Variants in PDS5A observed in about 807,000 individuals in gnomAD.
The protein encoded by PDS5A is PDS5 cohesin associated factor A, also known as sister chromatid cohesion protein PDS5 homolog A.
A neutral mutation model predicts 167.1 loss-of-function variants in PDS5A; 42 were observed. The ratio of observed to expected loss-of-function variants is 0.25; its 90% CI spans 0.20 to 0.33. The LOEUF is 0.33. Ranked by LOEUF, PDS5A falls within the 10% of genes least tolerant of loss-of-function variation. The pLI is 1.00. For synonymous variants in PDS5A, 553 were observed against 554.6 expected (o/e 1.00, Z 0.04); for missense variants, 1,033 against 1,605.9 (o/e 0.64, Z 6.10).
At chr4:39,956,338 C>T (rs1014049167) in intron 2 of PDS5A, among the ~76,000 whole-genome samples, 1 of 150,990 alleles carries the variant, frequency 6.6e-6, no homozygotes, top group African/African-American at 2.4e-5. Flanking sequence ...CCAAAAAATA[C>T]AAAAATTAGC....
intron 4 of PDS5A, among the ~76,000 whole-genome samples, chr4:39,926,451 G>A (rs1297533202): frequency 1.3e-5 from 2 of 150,966 alleles, no homozygotes; most frequent in Admixed American, 6.6e-5. Flanking sequence ...CTGGGAGGCG[G>A]AGGTTGTGGT....
At chr4:39,868,833 G>A (rs372594857) in intron 22 of PDS5A, 15 of 361,896 alleles carry the variant, frequency 4.1e-5, no homozygotes, top group African/African-American at 2.8e-4. Flanking sequence ...TGATGATGAA[G>A]CAACACAAAG....
intron 32 of PDS5A, among the ~76,000 whole-genome samples, chr4:39,835,652 A>G (rs1276658161): frequency 6.6e-6 from 1 of 152,074 alleles, no homozygotes; most frequent in East Asian, 1.9e-4. Flanking sequence ...TCTCGCGAGT[A>G]GCTGGCACTA....
intron 16 of PDS5A, among the ~76,000 whole-genome samples, chr4:39,897,267 T>C (rs1341576646): frequency 2.6e-5 from 4 of 152,138 alleles, no homozygotes; most frequent in Non-Finnish European, 5.9e-5. Context: ...TGATGGCTCA[T>C]GCCTGTAATC....
At chr4:39,948,723 C>T (rs1381905831) in intron 2 of PDS5A, among the ~76,000 whole-genome samples, 3 of 150,440 alleles carry the variant, frequency 2.0e-5, no homozygotes. Context: ...CTCCTGGCTT[C>T]AAGCAATTTT....
At chr4:39,884,362 C>T (rs1405510193) in intron 17 of PDS5A, among the ~76,000 whole-genome samples, 1 of 152,184 alleles carries the variant, frequency 6.6e-6, no homozygotes, top group Non-Finnish European at 1.5e-5. Context: ...CTCAGTGTAG[C>T]CAAGTGGTAC....
intron 2 of PDS5A, among the ~76,000 whole-genome samples, chr4:39,948,195 C>G (rs1578803301): frequency 1.0e-5 from 1 of 96,430 alleles, no homozygotes; most frequent in Non-Finnish European, 1.9e-5. Context: ...GGCAACACAG[C>G]AAGATATCCC....
intron 26 of PDS5A, among the ~76,000 whole-genome samples, chr4:39,852,638 A>T (rs1353709351): frequency 6.6e-6 from 1 of 152,128 alleles, no homozygotes; most frequent in Non-Finnish European, 1.5e-5. Flanking sequence ...TCAGAGAGTG[A>T]GTTCAGCTTC....
chr4:39,960,550 A>T (rs1195057556), intron 2 of PDS5A, among the ~76,000 whole-genome samples: 1 of 146,576 alleles, frequency 6.8e-6, no homozygotes, highest in Non-Finnish European at 1.5e-5. Context: ...TATCTTGAAC[A>T]TTTTTTTTTT....
chr4:39,833,119 A>T (rs1716061301), intron 32 of PDS5A, among the ~76,000 whole-genome samples: 1 of 135,994 alleles, frequency 7.4e-6, no homozygotes. Context: ...TGAACCTAGG[A>T]GGCAGAGGTT....
chr4:39,931,032 A>T lies in PDS5A; in HGVS notation c.139-2868T>A, dbSNP rs146708342. ...GAAACAAAAGATAGAGAAGGGCTGGATGTGATGGCTCACACCTGTAATCCC... is the reference window on the plus strand; with the variant it reads ...GAAACAAAAGATAGAGAAGGGCTGGTTGTGATGGCTCACACCTGTAATCCC... On this transcript the variant is annotated intron_variant, in intron 2 of 32. Transcript: ENST00000303538. Among the ~76,000 whole-genome samples, 841 of 152,294 alleles carry T rather than the reference A, an allele frequency of 5.5e-3. 7 individuals carry two copies. Among genetic ancestry groups the T allele is most frequent in the African/African-American group, 0.019 (776 of 41,558 alleles).
chr4:39,876,309 G>C (rs996156631), intron 19 of PDS5A, among the ~76,000 whole-genome samples: 6 of 152,122 alleles, frequency 3.9e-5, no homozygotes, highest in Non-Finnish European at 7.4e-5. Flanking sequence ...ACAATGCGGA[G>C]AATGAAGAGA....
chr4:39,881,785 T>C (rs1315852860), intron 17 of PDS5A, among the ~76,000 whole-genome samples: 1 of 152,230 alleles, frequency 6.6e-6, no homozygotes, highest in African/African-American at 2.4e-5. Context: ...AATGAAATCA[T>C]ACAATTTCAT....
At chr4:39,931,773 G>T (rs1047747701) in intron 2 of PDS5A, among the ~76,000 whole-genome samples, 2 of 152,036 alleles carry the variant, frequency 1.3e-5, no homozygotes, top group Admixed American at 1.3e-4. Context: ...ATACAAGGGA[G>T]TAAATACAAG....
chr4:39,943,145 C>T (rs985293947), intron 2 of PDS5A, among the ~76,000 whole-genome samples: 6 of 150,728 alleles, frequency 4.0e-5, no homozygotes, highest in African/African-American at 1.5e-4. Flanking sequence ...CACACACACA[C>T]ACACACACAC....
chr4:39,858,343 T>C (rs758878966), intron 26 of PDS5A, among the ~76,000 whole-genome samples: 6 of 152,066 alleles, frequency 3.9e-5, no homozygotes, highest in Admixed American at 2.0e-4. Context: ...AATGACAGAG[T>C]TACATGGCAT....
rs376190459 is a variant in PDS5A, at chr4:39,923,638, A to AACACACACACACAAACACACAC, written c.528-891_528-890insGTGTGTGTTTGTGTGTGTGTGT. ...GGGACAGACCAAGACCCTGTCTCAA[A>AACACACACACACAAACACACAC]ACACACACACACACACACACACACA... On this transcript the variant is annotated intron_variant, in intron 5 of 32. Transcript: ENST00000303538. 8.1e-4 allele frequency among the ~76,000 whole-genome samples: 101 copies of AACACACACACACAAACACACAC among 125,290 alleles called. 1 individual carries two copies. The East Asian group carries it at 0.015, about 19-fold the overall frequency. The allele number at this position is 125,290 out of a possible 152,430, so 82.2% of individuals were successfully genotyped here.
intron 13 of PDS5A, among the ~76,000 whole-genome samples, chr4:39,902,144 A>G (rs1722935159): frequency 6.6e-6 from 1 of 152,202 alleles, no homozygotes; most frequent in Non-Finnish European, 1.5e-5. Context: ...CCATCCTACT[A>G]CTGACCTGGC....
At chr4:39,862,416 C>A in intron 25 of PDS5A, 83 bp from the exon 26 acceptor site, 1 of 577,538 alleles carries the variant, frequency 1.7e-6, no homozygotes, top group Non-Finnish European at 3.1e-6. Context: ...TTCATTTTTT[C>A]CCTCAGTTAT....
Sources: gnomAD v4.1 joint callset for allele counts (sites outside exome capture counted in the v4.1 genomes callset) on GRCh38, gnomAD v4.1.1 for gene constraint, MANE v1.5 for transcripts, NCBI Gene and HGNC (gene_info 2026-07-23, HGNC 2026-07-21) for gene names.